ARIH1: variants seen among roughly 807,000 people sequenced by gnomAD.
ARIH1 encodes ariadne RBR E3 ubiquitin protein ligase 1.
A neutral mutation model predicts 85.0 loss-of-function variants in ARIH1; 8 were observed. The observed-to-expected ratio is 0.09, with a 90% CI of 0.06 to 0.17. The LOEUF is 0.17. ARIH1 is among the 10% of genes least tolerant of loss of function. The probability of loss-of-function intolerance (pLI) is 1.00; values close to 1 mark genes in which losing one functional copy is unlikely to be tolerated. For missense variants in ARIH1, 311 were observed against 718.1 expected (o/e 0.43, Z 6.48); for synonymous variants, 238 against 253.6 (o/e 0.94, Z 0.59).
rs372196856 is a variant in ARIH1, at chr15:72,518,346, T to C, written c.443+212T>C. On this transcript the variant is annotated intron_variant, in intron 2 of 13. Coordinates refer to ENST00000379887, the MANE Select transcript of ARIH1 (RefSeq NM_005744.5). ...GGAGTTCAGTCTTAGTGTTTCTTTT[T>C]ATTTGGGAGTATGTGTGTTTGGGGG... 1.2e-4 allele frequency among the ~76,000 whole-genome samples: 13 copies of C among 109,258 alleles called. No individual in the cohort carries two copies. In the East Asian group the frequency reaches 1.7e-3, roughly 14 times the overall value. 71.7% of individuals were successfully genotyped at this position (109,258 alleles called of 152,430 possible).
chr15:72,494,406 G>GCT (rs1261333046), intron 1 of ARIH1, among the ~76,000 whole-genome samples: 50 of 152,322 alleles, frequency 3.3e-4, no homozygotes, highest in Non-Finnish European at 5.1e-4. Flanking sequence ...TTACTAGGCA[G>GCT]ATGGGGTTAG....
intron 11 of ARIH1, among the ~76,000 whole-genome samples, chr15:72,575,688 A>G (rs1480768880): frequency 2.0e-5 from 3 of 152,156 alleles, no homozygotes; most frequent in East Asian, 1.9e-4. Flanking sequence ...ACATGTCAAT[A>G]TGGTAAGGGA....
In ARIH1 at chr15:72,598,674, A is replaced by G. The variant is rs1595879284; in HGVS notation, c.*15382A>G. ...GGTTGCAGTGAGCCGAGATTGTGCC[A>G]CTGCACTCCAGCCTGGGTGACAGAG... On this transcript the variant is annotated 3_prime_UTR_variant, in exon 14 of 14. Transcript: ENST00000379887. The G allele has an allele frequency of 6.6e-6, 1 of 150,644 alleles. No individual in the cohort carries two copies. Among genetic ancestry groups the G allele is most frequent in the African/African-American group, 2.4e-5 (1 of 41,054 alleles). The allele number at this position is 150,644 out of a possible 1,614,324, so 9.3% of individuals were successfully genotyped here.
intron 3 of ARIH1, among the ~76,000 whole-genome samples, chr15:72,546,785 C>T (rs967315871): frequency 6.6e-5 from 10 of 151,934 alleles, no homozygotes; most frequent in African/African-American, 2.4e-4. Context: ...GACGGGGTTT[C>T]ACCATGTTGC....
chr15:72,511,910 G>C (rs2063952365), intron 1 of ARIH1, among the ~76,000 whole-genome samples: 1 of 151,834 alleles, frequency 6.6e-6, no homozygotes. Flanking sequence ...TTTGTCAAAT[G>C]CTTTATTTAT....
chr15:72,533,442 C>T (rs1487738689), intron 2 of ARIH1, among the ~76,000 whole-genome samples: 1 of 152,192 alleles, frequency 6.6e-6, no homozygotes, highest in African/African-American at 2.4e-5. Flanking sequence ...TTAATATTCA[C>T]TGACAATGTG....
At chr15:72,502,976 G>A (rs192607303) in intron 1 of ARIH1, among the ~76,000 whole-genome samples, 1 of 152,210 alleles carries the variant, frequency 6.6e-6, no homozygotes, top group African/African-American at 2.4e-5. Flanking sequence ...TCATAACTGG[G>A]AAGTTTGATG....
intron 9 of ARIH1, 133 bp from the exon 10 acceptor site, chr15:72,570,043 TA>T: frequency 1.0e-6 from 1 of 959,204 alleles, no homozygotes; most frequent in Non-Finnish European, 1.6e-6. Flanking sequence ...AACACTGTTC[TA>T]AGTGCTTTAT....
In ARIH1 at chr15:72,594,019, A is replaced by G. The variant is rs2064353037; in HGVS notation, c.*10727A>G. 6.6e-6 allele frequency: 1 copy of G among 152,174 alleles called. No individual in the cohort carries two copies. Among genetic ancestry groups the G allele is most frequent in the Non-Finnish European group, 1.5e-5 (1 of 67,986 alleles). 9.4% of individuals were successfully genotyped at this position (152,174 alleles called of 1,614,324 possible). ...GTATTGAGTCAGCTAATTCATGAAC[A>G]TATTAAGTCTTGTCATTTATTTAGG... On this transcript the variant is annotated 3_prime_UTR_variant, in exon 14 of 14. Coordinates refer to ENST00000379887, the MANE Select transcript of ARIH1 (RefSeq NM_005744.5).
chr15:72,475,122 G>A, intron 1 of ARIH1, 108 bp downstream of exon 1: 3 of 1,459,182 alleles, frequency 2.1e-6, no homozygotes, highest in South Asian at 2.7e-5. Flanking sequence ...AGCCTAGCCC[G>A]GTGCCTCCCG....
chr15:72,552,635 A>C (rs2064157607), intron 3 of ARIH1, among the ~76,000 whole-genome samples: 1 of 152,138 alleles, frequency 6.6e-6, no homozygotes, highest in South Asian at 2.1e-4. Context: ...AACAAGGTGC[A>C]GAAGAGAATT....
In ARIH1 at chr15:72,587,342, T is replaced by C. The variant is rs970006503; in HGVS notation, c.*4050T>C. The C allele has an allele frequency of 4.2e-6, 2 of 478,198 alleles. No homozygotes were observed. The highest frequency in any genetic ancestry group is 3.9e-5 in the African/African-American group (2 of 51,116). 29.6% of individuals were successfully genotyped at this position (478,198 alleles called of 1,614,324 possible). On this transcript the variant is annotated 3_prime_UTR_variant, in exon 14 of 14. Transcript: ENST00000379887. ...ACTTTTAAACCACATTAAAGACTAT[T>C]ATAAATGCCTATCACTGCTACTGTT...
At position 72,563,404 on chromosome 15, in the gene ARIH1, T is replaced by G. The variant is rs778633164; in HGVS notation, c.815T>G (p.Leu272Arg). 1 of 1,613,704 alleles carries G rather than the reference T, an allele frequency of 6.2e-7. No individual in the cohort carries two copies. The highest frequency in any genetic ancestry group is 8.5e-7 in the Non-Finnish European group (1 of 1,179,640). Residue 272 changes from leucine to arginine, a missense_variant, in exon 7 of 14, where the codon CTG (leucine) becomes CGG (arginine). Coordinates refer to ENST00000379887, the MANE Select transcript of ARIH1 (RefSeq NM_005744.5). ...TAACTTGTATTTCAGTGCAATCGAC[T>G]GTTAAAGTGGTGTCCTGCCCCAGAT... ...ITNSFVECNR[L>R]LKWCPAPDCH...
chr15:72,594,808 CTTCTTTT>C lies in ARIH1; in HGVS notation c.*11519_*11525del, dbSNP rs2064356814. On this transcript the variant is annotated 3_prime_UTR_variant, in exon 14 of 14. Coordinates refer to ENST00000379887, the MANE Select transcript of ARIH1 (RefSeq NM_005744.5). ...TTCTTTTTCTGATTTTATGCCTTTT[CTTCTTTT>C]TTTTTTTTTTTTTTTTTTTTTTTGT... 1 of 41,014 alleles carries C rather than the reference CTTCTTTT, an allele frequency of 2.4e-5. No homozygotes were observed. The highest frequency in any genetic ancestry group is 1.1e-4 in the African/African-American group (1 of 9,124). 2.5% of individuals were successfully genotyped at this position (41,014 alleles called of 1,614,324 possible). A position where few individuals can be genotyped will look rare whatever the true frequency, so the allele number is the denominator to read the frequency against.
Position 72,474,939 on chromosome 15 carries a change from C to G in ARIH1, c.300C>G (p.Arg100=), listed in dbSNP as rs758549510. Residue 100 remains arginine (R), a synonymous_variant, in exon 1 of 14, where the codon CGC becomes CGG. Coordinates refer to ENST00000379887, the MANE Select transcript of ARIH1 (RefSeq NM_005744.5). ...GPGHEQEEDY[R]YEVLTAEQIL... ...GGCATGAGCAGGAGGAGGATTACCG[C>G]TACGAGGTGCTCACGGCCGAGCAGA... 78 of 1,548,018 alleles carry G rather than the reference C, an allele frequency of 5.0e-5. No homozygotes were observed. The highest frequency in any genetic ancestry group is 6.6e-5 in the Non-Finnish European group (76 of 1,145,800).
chr15:72,574,193 G>C (rs1384039524), intron 11 of ARIH1, among the ~76,000 whole-genome samples: 1 of 152,172 alleles, frequency 6.6e-6, no homozygotes, highest in Admixed American at 6.5e-5. Context: ...TATGTGCATA[G>C]CTTTTGAGCC....
Position 72,510,736 on chromosome 15 carries a change from C to CAAAAAA in ARIH1, c.376-7302_376-7297dup, listed in dbSNP as rs57834481. Among the ~76,000 whole-genome samples, 119 of 26,722 alleles carry CAAAAAA rather than the reference C, an allele frequency of 4.5e-3. 15 individuals carry two copies. The highest frequency in any genetic ancestry group is 7.6e-3 in the African/African-American group (65 of 8,586). The allele number at this position is 26,722 out of a possible 152,430, so 17.5% of individuals were successfully genotyped here. On this transcript the variant is annotated intron_variant, in intron 1 of 13. Coordinates refer to ENST00000379887, the MANE Select transcript of ARIH1 (RefSeq NM_005744.5). Reference sequence around the variant, plus strand: ...TGGGCAACAGAGCAAGACTCTGACTCAAAAAAAAAAAAAAAAAAAAAAAAA... The same window carrying CAAAAAA: ...TGGGCAACAGAGCAAGACTCTGACTCAAAAAAAAAAAAAAAAAAAAAAAAAAAAAAA...
rs1000583730 is a variant in ARIH1, at chr15:72,474,808, G to C, written c.169G>C (p.Glu57Gln). ...LVEPGLGVGGERDGLLCGETG... is the reference protein window; with the variant it reads ...LVEPGLGVGGQRDGLLCGETG... ...GGAGCCCGGGCTGGGCGTCGGCGGG[G>C]AGCGGGACGGACTGCTGTGCGGGGA... is the stretch of plus-strand genomic sequence containing the variant. Residue 57 changes from glutamate to glutamine, a missense_variant, in exon 1 of 14, where the codon GAG (glutamate) becomes CAG (glutamine). By Grantham distance (29) the Glu-to-Gln change is conservative. Around this residue, in one of 3 missense-constraint regions of ARIH1, gnomAD observed 157 missense variants for 185.1 expected, o/e 0.85. Transcript: ENST00000379887. The C allele has an allele frequency of 4.7e-6, 7 of 1,488,358 alleles. No individual in the cohort carries two copies. Among genetic ancestry groups the C allele is most frequent in the Middle Eastern group, 1.8e-4 (1 of 5,556 alleles). 92.2% of individuals were successfully genotyped at this position (1,488,358 alleles called of 1,614,324 possible).
intron 9 of ARIH1, among the ~76,000 whole-genome samples, 182 bp downstream of exon 9, chr15:72,567,359 T>TA (rs2064225328): frequency 6.6e-6 from 1 of 152,122 alleles, no homozygotes; most frequent in African/African-American, 2.4e-5. Flanking sequence ...GAGTTTATTT[T>TA]AGAGTATTGA....
Sources: gnomAD v4.1 joint callset for allele counts (sites outside exome capture counted in the v4.1 genomes callset) on GRCh38, gnomAD v4.1.1 for gene constraint, gnomAD v4.1.1 regional missense constraint, MANE v1.5 for transcripts, NCBI Gene and HGNC (gene_info 2026-07-23, HGNC 2026-07-21) for gene names.